PDCD6IP: variants seen among roughly 807,000 people sequenced by gnomAD.
The protein encoded by PDCD6IP is programmed cell death 6-interacting protein.
In PDCD6IP, 43 loss-of-function variants were observed where a neutral mutation model predicts 103.7. The ratio of observed to expected loss-of-function variants is 0.41; its 90% confidence interval spans 0.32 to 0.53. The LOEUF is 0.53. PDCD6IP is among the 20% of genes least tolerant of loss of function. PDCD6IP has a pLI of 0.16. For synonymous variants in PDCD6IP, 354 were observed against 378.7 expected (o/e 0.93, Z 0.76); for missense variants, 871 against 1,036.7 (o/e 0.84, Z 2.20).
intron 6 of PDCD6IP, chr3:33,826,792 T>G: frequency 7.6e-7 from 1 of 1,314,836 alleles, no homozygotes. Context: ...CTTTACCTTT[T>G]ACTAAACTTG....
intron 9 of PDCD6IP, 101 bp from the exon 10 acceptor site, chr3:33,841,796 C>G (rs1697481278): frequency 1.2e-6 from 1 of 802,550 alleles, no homozygotes; most frequent in Non-Finnish European, 2.0e-6. Context: ...AACTCCATTG[C>G]TGTTGATTTG....
chr3:33,798,697 GT>G lies in PDCD6IP; in HGVS notation c.-29del. ...GGCCCTCGTAAGCTGTCCGCGGTCT[GT>G]TTGGCCCGAACGGCGGCGGAGGCGC... is the stretch of plus-strand genomic sequence containing the variant. On this transcript the variant is annotated 5_prime_UTR_variant, in exon 1 of 18. Coordinates refer to ENST00000307296, the MANE Select transcript of PDCD6IP (RefSeq NM_013374.6). The G allele has an allele frequency of 6.6e-7, 1 of 1,518,366 alleles. No individual in the cohort carries two copies. Among genetic ancestry groups the G allele is most frequent in the Non-Finnish European group, 8.9e-7 (1 of 1,125,256 alleles). The allele number at this position is 1,518,366 out of a possible 1,614,324, so 94.1% of individuals were successfully genotyped here. A position where few individuals can be genotyped will look rare whatever the true frequency, so the allele number is the denominator to read the frequency against.
chr3:33,852,025 A>C (rs1697725524), intron 12 of PDCD6IP, among the ~76,000 whole-genome samples: 1 of 152,078 alleles, frequency 6.6e-6, no homozygotes. Context: ...ATTGGGAGGG[A>C]GTAGAATGTA....
chr3:33,798,725 G>T lies in PDCD6IP; in HGVS notation c.-4G>T. The T allele has an allele frequency of 6.4e-7, 1 of 1,552,246 alleles. No homozygotes were observed. Among genetic ancestry groups the T allele is most frequent in the Non-Finnish European group, 8.7e-7 (1 of 1,145,756 alleles). On this transcript the variant is annotated 5_prime_UTR_variant, in exon 1 of 18. Transcript: ENST00000307296. The stretch of plus-strand genomic sequence containing the variant: ...TGGCCCGAACGGCGGCGGAGGCGCT[G>T]ATCATGGCGACATTCATCTCGGTGC...
chr3:33,828,221 T>C (rs7650739), intron 6 of PDCD6IP, among the ~76,000 whole-genome samples: 49,378 of 152,102 alleles, frequency 0.32, 10,226 homozygotes, highest in South Asian at 0.48. Context: ...GGTCATATAC[T>C]TAGTGCATTT....
intron 3 of PDCD6IP, among the ~76,000 whole-genome samples, chr3:33,814,156 T>G (rs1003959484): frequency 6.6e-6 from 1 of 151,938 alleles, no homozygotes; most frequent in African/African-American, 2.4e-5. Flanking sequence ...TTTTTTTTTT[T>G]TTTTTGAGAC....
At chr3:33,822,520 A>T (rs1184333416) in intron 4 of PDCD6IP, among the ~76,000 whole-genome samples, 1 of 152,260 alleles carries the variant, frequency 6.6e-6, no homozygotes, top group Non-Finnish European at 1.5e-5. Context: ...AGAAAATAAA[A>T]TTTTAACTTT....
At chr3:33,860,806 A>G (rs1021890842) in intron 15 of PDCD6IP, among the ~76,000 whole-genome samples, 7 of 152,170 alleles carry the variant, frequency 4.6e-5, no homozygotes, top group African/African-American at 1.7e-4. Flanking sequence ...AGTAGTTGCC[A>G]GTTTTGAGCT....
In PDCD6IP at chr3:33,864,049, A is replaced by G. The variant is rs1444836881; in HGVS notation, c.2164A>G (p.Ile722Val). ...TGCCAGAGAACCTAGTGCTCCTTCA[A>G]TTCCTACACCTGCGTATCAGTCCTC... ...SIAREPSAPSIPTPAYQSSPA... is the reference protein window; with the variant it reads ...SIAREPSAPSVPTPAYQSSPA... The change falls in exon 16 of 18, where the codon ATT (isoleucine) becomes GTT (valine). Residue 722 changes from isoleucine (I) to valine (V), a missense_variant. Ile to Val is a conservative substitution (Grantham distance 29). Coordinates refer to ENST00000307296, the MANE Select transcript of PDCD6IP (RefSeq NM_013374.6). 7 of 1,614,102 alleles carry G rather than the reference A, an allele frequency of 4.3e-6. No individual in the cohort carries two copies. Among genetic ancestry groups the G allele is most frequent in the Non-Finnish European group, 8.5e-7 (1 of 1,179,970 alleles).
In PDCD6IP at chr3:33,864,113, C is replaced by G; in HGVS notation, c.2228C>G (p.Ala743Gly). ...CATGCACCAACTCCTCCAACTCCAGCGCCAAGAACCATGCCGGTTAGTAGG... is the reference window on the plus strand; with the variant it reads ...CATGCACCAACTCCTCCAACTCCAGGGCCAAGAACCATGCCGGTTAGTAGG... ...GGHAPTPPTP[A>G]PRTMPPTKPQ... The change falls in exon 16 of 18, where the codon GCG becomes GGG. Residue 743 changes from alanine to glycine, a missense_variant. Coordinates refer to ENST00000307296, the MANE Select transcript of PDCD6IP (RefSeq NM_013374.6). 1 of 1,594,504 alleles carries G rather than the reference C, an allele frequency of 6.3e-7. No individual in the cohort carries two copies. The highest frequency in any genetic ancestry group is 8.6e-7 in the Non-Finnish European group (1 of 1,162,540).
In PDCD6IP at chr3:33,854,363, A is replaced by G. The variant is rs777897128; in HGVS notation, c.2025+350A>G. The stretch of plus-strand genomic sequence containing the variant: ...CAGGAGTAGTCAAAGCTGATTTGTG[A>G]TGGAAAAGCGGAGGGGCATGACTTT... On this transcript the variant is annotated intron_variant, in intron 14 of 17. Coordinates refer to ENST00000307296, the MANE Select transcript of PDCD6IP (RefSeq NM_013374.6). Among the ~76,000 whole-genome samples, 5 of 152,170 alleles carry G rather than the reference A, an allele frequency of 3.3e-5. No individual in the cohort carries two copies. In the South Asian group the frequency reaches 8.3e-4, roughly 25 times the overall value.
intron 3 of PDCD6IP, among the ~76,000 whole-genome samples, chr3:33,818,151 T>C (rs1044935365): frequency 8.4e-6 from 1 of 119,682 alleles, no homozygotes; most frequent in African/African-American, 3.3e-5. Context: ...TTGCCCAGGG[T>C]GGATGGAGGG....
chr3:33,810,576 CAT>C (rs1347742874), intron 1 of PDCD6IP, among the ~76,000 whole-genome samples: 1 of 152,166 alleles, frequency 6.6e-6, no homozygotes, highest in Admixed American at 6.5e-5. Flanking sequence ...GCCCTCTTAG[CAT>C]ATACATTTAG....
In PDCD6IP at chr3:33,869,558, G is replaced by C. The variant is rs888937424; in HGVS notation, c.*3033G>C. On this transcript the variant is annotated 3_prime_UTR_variant, in exon 18 of 18. Transcript: ENST00000307296. ...AAAAAAATCCTATATTATCACACCA[G>C]AGATTTTAGATTCTTTTCTGGTTAG... 1 of 152,152 alleles carries C rather than the reference G, an allele frequency of 6.6e-6. No homozygotes were observed. The highest frequency in any genetic ancestry group is 2.4e-5 in the African/African-American group (1 of 41,424). 9.4% of individuals were successfully genotyped at this position (152,152 alleles called of 1,614,324 possible).
At chr3:33,820,019 T>C (rs9838463) in intron 3 of PDCD6IP, among the ~76,000 whole-genome samples, 44,415 of 152,090 alleles carry the variant, frequency 0.29, 6,718 homozygotes, top group East Asian at 0.41. Context: ...GGCGGTGGCT[T>C]ATGCCTGTAA....
At chr3:33,825,427 A>C (rs894395477) in intron 5 of PDCD6IP, 87 bp downstream of exon 5, 1 of 1,175,222 alleles carries the variant, frequency 8.5e-7, no homozygotes, top group East Asian at 2.5e-5. Context: ...AATATGTTCA[A>C]TGTCGAGCTG....
At chr3:33,814,283 A>G (rs1444318732) in intron 3 of PDCD6IP, among the ~76,000 whole-genome samples, 2 of 151,656 alleles carry the variant, frequency 1.3e-5, no homozygotes, top group Non-Finnish European at 2.9e-5. Context: ...TGGGATTACA[A>G]GCACCCGCCA....
intron 3 of PDCD6IP, 61 bp downstream of exon 3, chr3:33,813,689 G>C (rs1406304663): frequency 2.1e-6 from 2 of 960,606 alleles, no homozygotes; most frequent in East Asian, 4.8e-5. Flanking sequence ...ATTGTTTTTA[G>C]TTTTTAAAAT....
chr3:33,826,908 A>G (rs1043546007), intron 6 of PDCD6IP: 88 of 1,078,282 alleles, frequency 8.2e-5, no homozygotes, highest in Non-Finnish European at 9.5e-5. Flanking sequence ...ATTTGGTACA[A>G]GCATGTATAC....
Sources: allele counts gnomAD v4.1 joint callset (sites outside exome capture counted in the v4.1 genomes callset), GRCh38; gene constraint gnomAD v4.1.1; transcripts MANE v1.5; gene names NCBI Gene and HGNC (gene_info 2026-07-23, HGNC 2026-07-21).